Variants in CADPS2 observed in about 807,000 individuals in gnomAD.
CADPS2 encodes the protein calcium dependent secretion activator 2, also known as calcium-dependent secretion activator 2.
In CADPS2, 93 loss-of-function variants were observed where a neutral mutation model predicts 172.5. That is an observed-to-expected ratio of 0.54 (90% CI 0.46 to 0.64). The LOEUF is 0.64. Among genes scored for constraint, CADPS2 ranks in the 30% least tolerant of loss-of-function variants. The pLI, the probability that CADPS2 is intolerant of heterozygous loss-of-function variation, is 0.00. For missense variants in CADPS2, 1,420 were observed against 1,565.9 expected (o/e 0.91, Z 1.57); for synonymous variants, 546 against 555.2 (o/e 0.98, Z 0.23).
At chr7:122,703,613 G>A (rs1282263044) in intron 2 of CADPS2, among the ~76,000 whole-genome samples, 2 of 152,154 alleles carry the variant, frequency 1.3e-5, no homozygotes, top group African/African-American at 4.8e-5. Context: ...CTCTTGTAGA[G>A]GCTAAGGATT....
At chr7:122,794,127 C>G (rs1271379810) in intron 1 of CADPS2, among the ~76,000 whole-genome samples, 1 of 151,934 alleles carries the variant, frequency 6.6e-6, no homozygotes, top group Non-Finnish European at 1.5e-5. Context: ...GCTTCATTTC[C>G]TAAACCTGAA....
At chr7:122,701,440 TG>T (rs1486204626) in intron 2 of CADPS2, among the ~76,000 whole-genome samples, 6 of 151,706 alleles carry the variant, frequency 4.0e-5, no homozygotes, top group Non-Finnish European at 7.4e-5. Context: ...GGGCCTGTTG[TG>T]GGGTGGGGGA....
chr7:122,647,517 G>C (rs546644722), intron 3 of CADPS2, among the ~76,000 whole-genome samples: 1 of 152,258 alleles, frequency 6.6e-6, no homozygotes, highest in South Asian at 2.1e-4. Flanking sequence ...AGTAATCATT[G>C]TCATCTATTA....
intron 6 of CADPS2, among the ~76,000 whole-genome samples, chr7:122,599,717 T>C (rs961988655): frequency 1.3e-5 from 2 of 152,100 alleles, no homozygotes; most frequent in African/African-American, 4.8e-5. Context: ...GCTATTTCTT[T>C]GTATTCTTTC....
intron 27 of CADPS2, among the ~76,000 whole-genome samples, chr7:122,351,175 G>A (rs1308727110): frequency 6.6e-6 from 1 of 151,156 alleles, no homozygotes; most frequent in Non-Finnish European, 1.5e-5. Flanking sequence ...GACCATCCTG[G>A]CTAACACGGT....
intron 1 of CADPS2, among the ~76,000 whole-genome samples, chr7:122,841,634 A>G (rs906890817): frequency 6.6e-6 from 1 of 152,206 alleles, no homozygotes; most frequent in African/African-American, 2.4e-5. Flanking sequence ...AGGAGAAAAC[A>G]CAAAGCTGAA....
chr7:122,463,551 A>G (rs193061242), intron 14 of CADPS2, among the ~76,000 whole-genome samples: 4 of 152,334 alleles, frequency 2.6e-5, no homozygotes, highest in African/African-American at 9.6e-5. Context: ...ACATTTCTAT[A>G]TGTAGTAAAA....
chr7:122,360,016 G>T, intron 27 of CADPS2, among the ~76,000 whole-genome samples: 1 of 152,150 alleles, frequency 6.6e-6, no homozygotes, highest in East Asian at 1.9e-4. Context: ...AATACAAAGA[G>T]AGAATTTATA....
chr7:122,795,711 C>T (rs1796226939), intron 1 of CADPS2, among the ~76,000 whole-genome samples: 2 of 151,900 alleles, frequency 1.3e-5, no homozygotes, highest in Admixed American at 6.6e-5. Context: ...AGGACTATAC[C>T]TCAAAATAAG....
At chr7:122,550,008 C>T (rs2064057456) in intron 8 of CADPS2, among the ~76,000 whole-genome samples, 1 of 152,072 alleles carries the variant, frequency 6.6e-6, no homozygotes, top group Non-Finnish European at 1.5e-5. Context: ...TGAAACTTTA[C>T]TAGAGTGCAG....
At chr7:122,477,075 A>AGAGAGAGAGAGG (rs1563449564) in intron 12 of CADPS2, among the ~76,000 whole-genome samples, 2 of 146,450 alleles carry the variant, frequency 1.4e-5, no homozygotes, top group African/African-American at 5.1e-5. Flanking sequence ...AGAGAGAGAG[A>AGAGAGAGAGAGG]GAGAGAGGGA....
At chr7:122,660,909 C>T (rs376518734) in intron 3 of CADPS2, among the ~76,000 whole-genome samples, 30 of 151,580 alleles carry the variant, frequency 2.0e-4, no homozygotes, top group African/African-American at 7.0e-4. Flanking sequence ...GACTTCGTCT[C>T]GGAAAAAAAA....
intron 19 of CADPS2, among the ~76,000 whole-genome samples, chr7:122,408,359 C>T (rs971523022): frequency 6.6e-6 from 1 of 152,154 alleles, no homozygotes; most frequent in Admixed American, 6.6e-5. Flanking sequence ...AGTCTTCACA[C>T]ATTGCAAATT....
At chr7:122,553,334 G>A (rs1048859063) in intron 8 of CADPS2, among the ~76,000 whole-genome samples, 1 of 152,124 alleles carries the variant, frequency 6.6e-6, no homozygotes, top group African/African-American at 2.4e-5. Context: ...CAGGTAGATG[G>A]ATGCATGAAT....
At chr7:122,694,952 T>G (rs771996697) in intron 2 of CADPS2, among the ~76,000 whole-genome samples, 2 of 152,214 alleles carry the variant, frequency 1.3e-5, no homozygotes, top group Non-Finnish European at 2.9e-5. Flanking sequence ...AGTTGATACC[T>G]ACGTGCTGCT....
At chr7:122,446,092 G>A (rs1472560112) in intron 15 of CADPS2, among the ~76,000 whole-genome samples, 1 of 152,122 alleles carries the variant, frequency 6.6e-6, no homozygotes, top group African/African-American at 2.4e-5. Context: ...CATTAAGTAT[G>A]TTAGCCGTAG....
At chr7:122,657,417 G>A (rs7806172) in intron 3 of CADPS2, among the ~76,000 whole-genome samples, 2,200 of 152,188 alleles carry the variant, frequency 0.014, 48 homozygotes, top group African/African-American at 0.048. Flanking sequence ...CCATTTTCAC[G>A]ATATTGATTC....
intron 1 of CADPS2, among the ~76,000 whole-genome samples, chr7:122,814,480 T>G (rs1467045714): frequency 1.3e-5 from 2 of 152,086 alleles, no homozygotes; most frequent in African/African-American, 4.8e-5. Flanking sequence ...GCTAAGAATA[T>G]CTTCACATGT....
intron 1 of CADPS2, among the ~76,000 whole-genome samples, chr7:122,755,729 TAAA>T (rs775668115): frequency 7.3e-6 from 1 of 137,488 alleles, no homozygotes; most frequent in Non-Finnish European, 1.6e-5. Flanking sequence ...TTAGAGAGGC[TAAA>T]AAAAAAAAAG....
Sources: gnomAD v4.1 joint callset for allele counts (sites outside exome capture counted in the v4.1 genomes callset) on GRCh38, gnomAD v4.1.1 for gene constraint, MANE v1.5 for transcripts, NCBI Gene and HGNC (gene_info 2026-07-23, HGNC 2026-07-21) for gene names.